The following SGIP1 variants were observed in gnomAD, a reference collection of about 807,000 sequenced individuals.
SGIP1 encodes the protein SH3GL interacting endocytic adaptor 1.
Under a neutral mutation model 107.5 loss-of-function variants are expected in SGIP1, and 38 were observed. The ratio of observed to expected loss-of-function variants is 0.35; its 90% CI spans 0.27 to 0.46. SGIP1 has a LOEUF of 0.46. SGIP1 is among the 20% of genes least tolerant of loss of function. The probability of loss-of-function intolerance (pLI) is 1.00; values close to 1 mark genes in which losing one functional copy is unlikely to be tolerated. For missense variants in SGIP1, 929 were observed against 1,019.5 expected, an observed-to-expected ratio of 0.91 and a Z score of 1.21; for synonymous variants, 365 against 366.1, an observed-to-expected ratio of 1.00 and a Z score of 0.03.
At chr1:66,591,976 TA>T (rs1218226717) in intron 1 of SGIP1, among the ~76,000 whole-genome samples, 1 of 152,192 alleles carries the variant, frequency 6.6e-6, no homozygotes, top group Non-Finnish European at 1.5e-5. Flanking sequence ...CCTCCAGCCA[TA>T]AGGTGGTTTT....
intron 2 of SGIP1, among the ~76,000 whole-genome samples, chr1:66,629,043 G>A (rs1452950923): frequency 6.6e-6 from 1 of 152,194 alleles, no homozygotes; most frequent in Non-Finnish European, 1.5e-5. Context: ...AATCATAAAT[G>A]CAAAGGGGTT....
rs1289718074 is a variant in SGIP1, at chr1:66,749,469, T to C, written c.*6374T>C. 6.6e-6 allele frequency among the ~76,000 whole-genome samples: 1 copy of C among 151,952 alleles called. No homozygotes were observed. Among genetic ancestry groups the C allele is most frequent in the African/African-American group, 2.4e-5 (1 of 41,410 alleles). On this transcript the variant is annotated 3_prime_UTR_variant, in exon 25 of 25. Transcript: ENST00000371037. Reference sequence around the variant, plus strand: ...TTTTTTTTTGCTGTTTTTTTTTCTTTTTTTGCTTTGCTTTACTTTGCCAAT... The same window carrying C: ...TTTTTTTTTGCTGTTTTTTTTTCTTCTTTTGCTTTGCTTTACTTTGCCAAT...
chr1:66,706,801 A>G (rs1289815833), intron 18 of SGIP1, among the ~76,000 whole-genome samples: 1 of 152,088 alleles, frequency 6.6e-6, no homozygotes, highest in African/African-American at 2.4e-5. Context: ...GTGTGCATGT[A>G]TAGTTTATAT....
intron 1 of SGIP1, among the ~76,000 whole-genome samples, chr1:66,576,170 G>A (rs2061034625): frequency 6.6e-6 from 1 of 152,190 alleles, no homozygotes; most frequent in South Asian, 2.1e-4. Flanking sequence ...TGTTAACAAA[G>A]AAGGAGGTAC....
intron 1 of SGIP1, among the ~76,000 whole-genome samples, chr1:66,623,739 CTT>C (rs1170556420): frequency 2.0e-5 from 3 of 152,178 alleles, no homozygotes; most frequent in Admixed American, 2.0e-4. Flanking sequence ...TCTTTCGTCT[CTT>C]ATCGTTGGCT....
At chr1:66,640,403 G>C (rs988566027) in intron 5 of SGIP1, among the ~76,000 whole-genome samples, 1 of 152,136 alleles carries the variant, frequency 6.6e-6, no homozygotes, top group Non-Finnish European at 1.5e-5. Context: ...TCAGAATAGA[G>C]GCAAGTCAAC....
At chr1:66,724,749 C>T (rs2093682779) in intron 19 of SGIP1, among the ~76,000 whole-genome samples, 2 of 152,186 alleles carry the variant, frequency 1.3e-5, no homozygotes, top group Non-Finnish European at 1.5e-5. Context: ...GTCTGACTTG[C>T]TTTCAAAACA....
At chr1:66,683,923 G>C (rs1469937115) in intron 15 of SGIP1, among the ~76,000 whole-genome samples, 1 of 151,616 alleles carries the variant, frequency 6.6e-6, no homozygotes, top group Non-Finnish European at 1.5e-5. Flanking sequence ...CACCATATTG[G>C]CTAGGCTGGT....
At chr1:66,715,631 G>A (rs1386412856) in intron 18 of SGIP1, among the ~76,000 whole-genome samples, 4 of 152,060 alleles carry the variant, frequency 2.6e-5, no homozygotes, top group Admixed American at 2.0e-4. Flanking sequence ...CAAACAAAAA[G>A]CACTACGACC....
chr1:66,579,005 C>T (rs929034960), intron 1 of SGIP1, among the ~76,000 whole-genome samples: 1 of 152,236 alleles, frequency 6.6e-6, no homozygotes, highest in East Asian at 1.9e-4. Flanking sequence ...GGTATATCTA[C>T]AAGTCAGATG....
At chr1:66,665,040 T>C (rs1212204109) in intron 8 of SGIP1, among the ~76,000 whole-genome samples, 1 of 152,228 alleles carries the variant, frequency 6.6e-6, no homozygotes, top group African/African-American at 2.4e-5. Context: ...TTGTTACATA[T>C]GTATACATGG....
chr1:66,572,316 C>T (rs867304535), intron 1 of SGIP1, among the ~76,000 whole-genome samples: 4 of 152,018 alleles, frequency 2.6e-5, no homozygotes, highest in African/African-American at 9.7e-5. Flanking sequence ...CACTTGTAAA[C>T]ACCACCAACA....
rs902501130 is a variant in SGIP1, at chr1:66,750,966, A to G, written c.*7871A>G. Among the ~76,000 whole-genome samples the G allele has an allele frequency of 7.9e-5, 12 of 152,198 alleles. No homozygotes were observed. The highest frequency in any genetic ancestry group is 1.8e-4 in the Non-Finnish European group (12 of 68,038). ...ATGTTTTTTGTTCATAATTTTCCCA[A>G]TCACCTATTTCACAAAATCCTGAAT... On this transcript the variant is annotated 3_prime_UTR_variant, in exon 25 of 25. Transcript: ENST00000371037.
chr1:66,620,852 G>C (rs538572553), intron 1 of SGIP1, among the ~76,000 whole-genome samples: 9 of 152,208 alleles, frequency 5.9e-5, no homozygotes, highest in Non-Finnish European at 1.3e-4. Context: ...TTGAGGTTTT[G>C]CCCTAACAAA....
At chr1:66,603,220 T>A (rs2066200660) in intron 1 of SGIP1, among the ~76,000 whole-genome samples, 2 of 152,168 alleles carry the variant, frequency 1.3e-5, no homozygotes, top group Admixed American at 1.3e-4. Context: ...TCAGGCTATT[T>A]ATGGAAAAAA....
At chr1:66,607,762 G>A (rs983449826) in intron 1 of SGIP1, among the ~76,000 whole-genome samples, 1 of 152,144 alleles carries the variant, frequency 6.6e-6, no homozygotes, top group Non-Finnish European at 1.5e-5. Flanking sequence ...TTAGCACTTG[G>A]TGGAAAGGGG....
At chr1:66,618,727 A>C (rs773237667) in intron 1 of SGIP1, among the ~76,000 whole-genome samples, 21 of 152,242 alleles carry the variant, frequency 1.4e-4, no homozygotes, top group Non-Finnish European at 2.8e-4. Flanking sequence ...CAAGGTTCTC[A>C]GTAAACAAGA....
At chr1:66,595,463 T>G (rs1180451780) in intron 1 of SGIP1, among the ~76,000 whole-genome samples, 1 of 152,204 alleles carries the variant, frequency 6.6e-6, no homozygotes, top group Non-Finnish European at 1.5e-5. Flanking sequence ...ACATATTATT[T>G]CTCATCAGTG....
intron 12 of SGIP1, among the ~76,000 whole-genome samples, chr1:66,675,585 G>A (rs1324958022): frequency 6.1e-5 from 7 of 115,106 alleles, no homozygotes; most frequent in African/African-American, 2.5e-4. Context: ...TGTCACCCAG[G>A]CTGGAATACA....
Sources: allele counts gnomAD v4.1 joint callset (sites outside exome capture counted in the v4.1 genomes callset), GRCh38; gene constraint gnomAD v4.1.1; transcripts MANE v1.5; gene names NCBI Gene and HGNC (gene_info 2026-07-23, HGNC 2026-07-21).